Variants in ERBB4 observed in about 807,000 individuals in gnomAD.
ERBB4 encodes the protein receptor tyrosine-protein kinase erbB-4.
Under a neutral mutation model 158.0 loss-of-function variants are expected in ERBB4, and 42 were observed. The observed-to-expected ratio is 0.27, with a 90% CI of 0.21 to 0.34. ERBB4 has a LOEUF of 0.34. Ranked by LOEUF, ERBB4 falls within the 10% of genes least tolerant of loss-of-function variation. The probability of loss-of-function intolerance (pLI) is 1.00; values close to 1 mark genes in which losing one functional copy is unlikely to be tolerated. For synonymous variants in ERBB4, 583 were observed against 558.7 expected (o/e 1.04, Z -0.61); for missense variants, 1,333 against 1,624.1 (o/e 0.82, Z 3.08).
Position 211,382,749 on chromosome 2 carries a change from G to T in ERBB4, c.*866C>A, listed in dbSNP as rs74983529. The T allele has an allele frequency of 9.4e-4, 219 of 232,596 alleles. 1 individual carries two copies. The East Asian group carries it at 0.013, about 14-fold the overall frequency. The allele number at this position is 232,596 out of a possible 1,614,324, so 14.4% of individuals were successfully genotyped here. ...AAAAAAAAATGTTGAAAAATGTAAA[G>T]GATGAGGGTGAAGATAATTTGATAG... On this transcript the variant is annotated 3_prime_UTR_variant, in exon 28 of 28. Transcript: ENST00000342788.
intron 16 of ERBB4, among the ~76,000 whole-genome samples, chr2:211,641,615 CAATT>C (rs1328332630): frequency 6.6e-6 from 1 of 152,006 alleles, no homozygotes; most frequent in Non-Finnish European, 1.5e-5. Flanking sequence ...TTGAAAAAGA[CAATT>C]AAACATAGAT....
chr2:211,411,550 T>G (rs559725783), intron 25 of ERBB4, among the ~76,000 whole-genome samples: 1 of 152,242 alleles, frequency 6.6e-6, no homozygotes, highest in African/African-American at 2.4e-5. Flanking sequence ...ACCTCTAAAG[T>G]CAAACAGAAA....
chr2:212,264,436 C>T (rs1302653850), intron 1 of ERBB4, among the ~76,000 whole-genome samples: 2 of 152,048 alleles, frequency 1.3e-5, no homozygotes, highest in Non-Finnish European at 2.9e-5. Context: ...CCAAGTGGAA[C>T]TGTCCCAAGC....
chr2:211,603,815 A>T (rs2068880490), intron 19 of ERBB4, among the ~76,000 whole-genome samples: 1 of 152,182 alleles, frequency 6.6e-6, no homozygotes, highest in South Asian at 2.1e-4. Flanking sequence ...ACTTCACACA[A>T]GCTGGGCAGA....
chr2:212,272,411 AAT>A (rs1233391385), intron 1 of ERBB4, among the ~76,000 whole-genome samples: 1 of 151,774 alleles, frequency 6.6e-6, no homozygotes, highest in Non-Finnish European at 1.5e-5. Context: ...CAGATGGGGC[AAT>A]ATGAGTAGGT....
Position 211,464,956 on chromosome 2 carries a change from GCTTAC to G in ERBB4, c.2488-33861_2488-33857del, listed in dbSNP as rs543092776. On this transcript the variant is annotated intron_variant, in intron 20 of 27. Transcript: ENST00000342788. ...ACAGGATAATAAGAGGCCCACTGGA[GCTTAC>G]CTTGTTTTTCTTTTTTTTTTCTTTT... Among the ~76,000 whole-genome samples, 3 of 137,372 alleles carry G rather than the reference GCTTAC, an allele frequency of 2.2e-5. No homozygotes were observed. The East Asian group carries it at 6.8e-4, about 31-fold the overall frequency. 90.1% of individuals were successfully genotyped at this position (137,372 alleles called of 152,430 possible).
At chr2:212,095,943 A>G (rs1176837702) in intron 2 of ERBB4, among the ~76,000 whole-genome samples, 2 of 80,144 alleles carry the variant, frequency 2.5e-5, no homozygotes. Flanking sequence ...TCAAAAAAAA[A>G]AAGAAAAAAA....
chr2:211,586,390 A>G (rs1309553919), intron 19 of ERBB4, among the ~76,000 whole-genome samples: 2 of 152,232 alleles, frequency 1.3e-5, no homozygotes, highest in East Asian at 3.8e-4. Flanking sequence ...ACAGCAAAAG[A>G]AATAGAGTTG....
At chr2:211,452,281 G>A (rs371197125) in intron 20 of ERBB4, among the ~76,000 whole-genome samples, 63 of 152,124 alleles carry the variant, frequency 4.1e-4, no homozygotes, top group East Asian at 7.8e-4. Flanking sequence ...GGGTTCAAGC[G>A]ATTCTCCTGC....
chr2:212,063,307 G>T (rs1322018696), intron 2 of ERBB4, among the ~76,000 whole-genome samples: 1 of 151,894 alleles, frequency 6.6e-6, no homozygotes, highest in Non-Finnish European at 1.5e-5. Context: ...GAATAAACAG[G>T]TCCTTGAATT....
At chr2:212,013,988 T>C (rs2076451539) in intron 2 of ERBB4, among the ~76,000 whole-genome samples, 1 of 152,202 alleles carries the variant, frequency 6.6e-6, no homozygotes, top group Non-Finnish European at 1.5e-5. Flanking sequence ...AACAAGATAT[T>C]GAATGTGGGG....
intron 5 of ERBB4, among the ~76,000 whole-genome samples, chr2:211,735,731 A>T (rs1019945185): frequency 3.9e-5 from 6 of 152,094 alleles, no homozygotes; most frequent in African/African-American, 1.4e-4. Context: ...TGAAGTCTAT[A>T]CCTCAGAAAA....
chr2:212,457,485 C>T (rs1168469658), intron 1 of ERBB4, among the ~76,000 whole-genome samples: 1 of 152,038 alleles, frequency 6.6e-6, no homozygotes, highest in African/African-American at 2.4e-5. Flanking sequence ...CCCAAGCTTT[C>T]TACGAAGGTG....
intron 1 of ERBB4, among the ~76,000 whole-genome samples, chr2:212,218,198 G>A (rs16847941): frequency 0.075 from 11,402 of 151,328 alleles, 1,261 homozygotes; most frequent in African/African-American, 0.25. Flanking sequence ...TACAGGATCA[G>A]CTTTGGGTTT....
At chr2:212,126,959 A>T (rs191722918) in intron 1 of ERBB4, among the ~76,000 whole-genome samples, 7 of 152,316 alleles carry the variant, frequency 4.6e-5, no homozygotes, top group African/African-American at 1.7e-4. Flanking sequence ...TTGTAACCAT[A>T]GTGGAAATTC....
chr2:212,177,959 A>AGT (rs5838302), intron 1 of ERBB4, among the ~76,000 whole-genome samples: 5,578 of 149,490 alleles, frequency 0.037, 337 homozygotes, highest in African/African-American at 0.13. Flanking sequence ...TGTGAGTGTG[A>AGT]GTGTGTGTGT....
chr2:211,595,554 G>T (rs2125801813), intron 19 of ERBB4, among the ~76,000 whole-genome samples: 1 of 152,134 alleles, frequency 6.6e-6, no homozygotes, highest in South Asian at 2.1e-4. Flanking sequence ...TAAAACTATA[G>T]GAATTATATC....
chr2:212,006,153 A>T (rs1056358649), intron 2 of ERBB4, among the ~76,000 whole-genome samples: 2 of 152,204 alleles, frequency 1.3e-5, no homozygotes, highest in African/African-American at 4.8e-5. Flanking sequence ...GTGCTGTGGC[A>T]TAATAGTGTT....
chr2:212,159,407 T>A (rs569962366), intron 1 of ERBB4, among the ~76,000 whole-genome samples: 47 of 152,094 alleles, frequency 3.1e-4, no homozygotes, highest in African/African-American at 1.1e-3. Context: ...ACTAAATTGC[T>A]ACTGTGGATT....
Sources: allele counts gnomAD v4.1 joint callset (sites outside exome capture counted in the v4.1 genomes callset), GRCh38; gene constraint gnomAD v4.1.1; transcripts MANE v1.5; gene names NCBI Gene and HGNC (gene_info 2026-07-23, HGNC 2026-07-21).